RBFOX1: variants seen among roughly 807,000 people sequenced by gnomAD.
RBFOX1 encodes the protein RNA binding protein fox-1 homolog 1.
A neutral mutation model predicts 57.7 loss-of-function variants in RBFOX1; 8 were observed. The observed-to-expected ratio is 0.14, with a 90% CI of 0.08 to 0.25. The LOEUF is 0.25. Ranked by LOEUF, RBFOX1 falls within the 10% of genes least tolerant of loss-of-function variation. The probability of loss-of-function intolerance (pLI) is 1.00; values close to 1 mark genes in which losing one functional copy is unlikely to be tolerated. For synonymous variants in RBFOX1, 326 were observed against 222.4 expected (o/e 1.47, Z -4.15); for missense variants, 611 against 548.5 (o/e 1.11, Z -1.14).
At chr16:5,301,436 G>A (rs1167269617) in intron 1 of RBFOX1, among the ~76,000 whole-genome samples, 2 of 151,892 alleles carry the variant, frequency 1.3e-5, no homozygotes, top group Non-Finnish European at 1.5e-5. Context: ...TGGCTAACAC[G>A]GTGAAACCCC....
chr16:6,378,718 C>T (rs1372617889), intron 2 of RBFOX1, among the ~76,000 whole-genome samples: 1 of 152,194 alleles, frequency 6.6e-6, no homozygotes, highest in East Asian at 1.9e-4. Context: ...CCAGTTAAAG[C>T]ATATGCCAAC....
intron 3 of RBFOX1, among the ~76,000 whole-genome samples, chr16:6,913,839 C>T (rs886802433): frequency 3.9e-5 from 6 of 152,150 alleles, no homozygotes; most frequent in Non-Finnish European, 7.3e-5. Flanking sequence ...CTGCATGTGG[C>T]GTAATTGTAT....
intron 3 of RBFOX1, among the ~76,000 whole-genome samples, chr16:6,974,589 C>T (rs2086376959): frequency 6.6e-6 from 1 of 151,962 alleles, no homozygotes; most frequent in Admixed American, 6.6e-5. Context: ...AGGTGATCTG[C>T]CCACCTCGGC....
In RBFOX1 at chr16:5,959,990, C is replaced by T. The variant is rs559399195; in HGVS notation, c.351+92655C>T. Among the ~76,000 whole-genome samples, 754 of 152,238 alleles carry T rather than the reference C, an allele frequency of 5.0e-3. 6 individuals carry two copies. Among genetic ancestry groups the T allele is most frequent in the African/African-American group, 0.017 (721 of 41,550 alleles). ...CAGAGGCGGGGGGATCACCTGAGGT[C>T]CGGAGTTCAAGACCAGCCTTGCCAA... On this transcript the variant is annotated intron_variant, in intron 4 of 19. Transcript: ENST00000641259.
At chr16:7,398,732 A>G (rs759841281) in intron 4 of RBFOX1, among the ~76,000 whole-genome samples, 5 of 152,222 alleles carry the variant, frequency 3.3e-5, no homozygotes, top group Non-Finnish European at 5.9e-5. Context: ...GAGTCTGACT[A>G]CAGTCTGACT....
In RBFOX1 at chr16:6,778,979, A is replaced by G. The variant is rs556102509; in HGVS notation, c.-16+124329A>G. ...CAAATCAAGGTAATTGAAGTAGCCTAACTTTAAATATTTATCATTTTGTTG... is the reference window on the plus strand; with the variant it reads ...CAAATCAAGGTAATTGAAGTAGCCTGACTTTAAATATTTATCATTTTGTTG... On this transcript the variant is annotated intron_variant, in intron 3 of 15. Coordinates refer to ENST00000550418, the MANE Select transcript of RBFOX1 (RefSeq NM_018723.4). 9.2e-5 allele frequency among the ~76,000 whole-genome samples: 14 copies of G among 152,184 alleles called. No homozygotes were observed. The South Asian group carries it at 2.9e-3, about 32-fold the overall frequency.
intron 4 of RBFOX1, among the ~76,000 whole-genome samples, chr16:5,983,564 G>A (rs943467201): frequency 2.1e-4 from 32 of 152,272 alleles, no homozygotes; most frequent in Non-Finnish European, 3.7e-4. Flanking sequence ...TGCAGGAAAC[G>A]CTAGCACCCT....
intron 4 of RBFOX1, among the ~76,000 whole-genome samples, chr16:7,514,151 G>A (rs1253696040): frequency 6.6e-6 from 1 of 152,038 alleles, no homozygotes; most frequent in South Asian, 2.1e-4. Context: ...TGGTGGGCTG[G>A]GCAGTCTCTG....
At chr16:5,459,304 C>G (rs1231691150) in intron 1 of RBFOX1, among the ~76,000 whole-genome samples, 1 of 152,206 alleles carries the variant, frequency 6.6e-6, no homozygotes, top group African/African-American at 2.4e-5. Context: ...AGATATAGCT[C>G]CAGCTCGCCT....
At chr16:6,941,148 G>A (rs1395345526) in intron 3 of RBFOX1, among the ~76,000 whole-genome samples, 2 of 151,938 alleles carry the variant, frequency 1.3e-5, no homozygotes, top group Non-Finnish European at 2.9e-5. Context: ...ATGGAGGCAA[G>A]AATCCTCAGG....
intron 1 of RBFOX1, among the ~76,000 whole-genome samples, chr16:6,198,588 A>T (rs1282849811): frequency 6.6e-6 from 1 of 152,226 alleles, no homozygotes; most frequent in African/African-American, 2.4e-5. Flanking sequence ...AGATTGGATT[A>T]GATAATTCCT....
intron 4 of RBFOX1, among the ~76,000 whole-genome samples, chr16:7,346,153 G>T (rs773113574): frequency 1.3e-5 from 2 of 152,128 alleles, no homozygotes; most frequent in African/African-American, 4.8e-5. Context: ...CAAAGGACAT[G>T]AACTCATCCT....
chr16:5,460,618 C>T (rs1050400286), intron 1 of RBFOX1, among the ~76,000 whole-genome samples: 18 of 152,354 alleles, frequency 1.2e-4, no homozygotes, highest in Non-Finnish European at 1.9e-4. Context: ...CTCCTTGTCA[C>T]AGCAACATGC....
chr16:7,580,194 C>T (rs2093644209), intron 6 of RBFOX1, among the ~76,000 whole-genome samples: 1 of 152,078 alleles, frequency 6.6e-6, no homozygotes, highest in African/African-American at 2.4e-5. Flanking sequence ...TCCTAGATGA[C>T]CCACTGTTGA....
chr16:5,969,383 C>G (rs190982756), intron 4 of RBFOX1, among the ~76,000 whole-genome samples: 45 of 139,548 alleles, frequency 3.2e-4, no homozygotes, highest in African/African-American at 1.2e-3. Flanking sequence ...ATGAACTAGG[C>G]TCACTGCAAC....
intron 3 of RBFOX1, among the ~76,000 whole-genome samples, chr16:7,020,373 C>T (rs1439257781): frequency 6.6e-6 from 1 of 151,902 alleles, no homozygotes; most frequent in African/African-American, 2.4e-5. Flanking sequence ...TTACAGGCTG[C>T]CATGCCCAGC....
intron 1 of RBFOX1, among the ~76,000 whole-genome samples, chr16:6,263,452 G>T (rs1012093059): frequency 3.3e-5 from 5 of 152,094 alleles, no homozygotes; most frequent in African/African-American, 7.2e-5. Context: ...TTATTTGGAG[G>T]TACATTTCTG....
At chr16:5,273,953 A>C (rs184440588) in intron 1 of RBFOX1, among the ~76,000 whole-genome samples, 1 of 152,284 alleles carries the variant, frequency 6.6e-6, no homozygotes, top group African/African-American at 2.4e-5. Flanking sequence ...AGCAGATTTA[A>C]CTGAATTTAC....
intron 3 of RBFOX1, among the ~76,000 whole-genome samples, chr16:6,896,994 C>G (rs1009130460): frequency 6.6e-6 from 1 of 152,180 alleles, no homozygotes; most frequent in African/African-American, 2.4e-5. Flanking sequence ...TCGTGGCTAA[C>G]AGCAGCAGGG....
Sources: gnomAD v4.1 joint callset for allele counts (sites outside exome capture counted in the v4.1 genomes callset) on GRCh38, gnomAD v4.1.1 for gene constraint, MANE v1.5 for transcripts, NCBI Gene and HGNC (gene_info 2026-07-23, HGNC 2026-07-21) for gene names.